The following THSD4 variants were observed in gnomAD, a reference collection of about 807,000 sequenced individuals.
The protein encoded by THSD4 is thrombospondin type 1 domain containing 4.
In THSD4, 69 loss-of-function variants were observed where a neutral mutation model predicts 119.0. That is an observed-to-expected ratio of 0.58 (90% CI 0.48 to 0.71). THSD4 has a LOEUF of 0.71. THSD4 is among the 30% of genes least tolerant of loss of function. The pLI is 0.00. For synonymous variants in THSD4, 524 were observed against 540.4 expected, an observed-to-expected ratio of 0.97 and a Z score of 0.42; for missense variants, 1,393 against 1,391.1, an observed-to-expected ratio of 1.00 and a Z score of -0.02.
chr15:71,309,406 CCAGATATATAATTTG>C (rs2045080581), intron 6 of THSD4, among the ~76,000 whole-genome samples: 1 of 152,138 alleles, frequency 6.6e-6, no homozygotes, highest in African/African-American at 2.4e-5. Context: ...TGAATACTTA[CCAGATATATAATTTG>C]CAGATATTGT....
At chr15:71,663,675 G>A (rs1202478703) in intron 8 of THSD4, among the ~76,000 whole-genome samples, 1 of 152,108 alleles carries the variant, frequency 6.6e-6, no homozygotes, top group Non-Finnish European at 1.5e-5. Flanking sequence ...TTGAGATCAT[G>A]TAGAAACCAC....
intron 6 of THSD4, among the ~76,000 whole-genome samples, chr15:71,409,145 CT>C (rs762462184): frequency 1.3e-4 from 16 of 122,040 alleles, no homozygotes; most frequent in African/African-American, 2.9e-4. Flanking sequence ...TCACGTTTAG[CT>C]TTTTTTTTTC....
chr15:71,520,583 T>C (rs1016104933), intron 7 of THSD4, among the ~76,000 whole-genome samples: 2 of 152,254 alleles, frequency 1.3e-5, no homozygotes, highest in African/African-American at 4.8e-5. Context: ...TGGGATGTTT[T>C]ACTGCAGTTC....
At chr15:71,739,662 T>C (rs1413678927) in intron 11 of THSD4, among the ~76,000 whole-genome samples, 1 of 152,134 alleles carries the variant, frequency 6.6e-6, no homozygotes, top group African/African-American at 2.4e-5. Flanking sequence ...AGCCTCCTGT[T>C]TGTAGTAAAG....
intron 6 of THSD4, among the ~76,000 whole-genome samples, chr15:71,328,685 T>C (rs901698106): frequency 9.9e-5 from 15 of 152,210 alleles, no homozygotes; most frequent in African/African-American, 2.7e-4. Context: ...CATGGGCTTA[T>C]TAAATGTGCT....
At chr15:71,409,138 C>T (rs7172592) in intron 6 of THSD4, among the ~76,000 whole-genome samples, 29,913 of 138,090 alleles carry the variant, frequency 0.22, 3,163 homozygotes, top group Admixed American at 0.29. Context: ...AATTGTCTCA[C>T]GTTTAGCTTT....
chr15:71,495,488 G>A (rs2048000538), intron 7 of THSD4, among the ~76,000 whole-genome samples: 1 of 152,174 alleles, frequency 6.6e-6, no homozygotes, highest in Non-Finnish European at 1.5e-5. Flanking sequence ...AACTGAAATA[G>A]GATACTAAAA....
chr15:71,341,975 T>C (rs1388684255), intron 6 of THSD4, among the ~76,000 whole-genome samples: 1 of 152,166 alleles, frequency 6.6e-6, no homozygotes, highest in African/African-American at 2.4e-5. Flanking sequence ...AAAAAATTAC[T>C]CCATATCCTA....
chr15:71,334,807 C>T (rs2045470939), intron 6 of THSD4, among the ~76,000 whole-genome samples: 1 of 152,154 alleles, frequency 6.6e-6, no homozygotes, highest in African/African-American at 2.4e-5. Flanking sequence ...GAACTGTCAG[C>T]AGAACTTCTT....
At chr15:71,160,133 A>G (rs1189256072) in intron 3 of THSD4, among the ~76,000 whole-genome samples, 1 of 152,068 alleles carries the variant, frequency 6.6e-6, no homozygotes, top group Non-Finnish European at 1.5e-5. Flanking sequence ...ATTGATTTAC[A>G]TATGTTGAAT....
intron 7 of THSD4, among the ~76,000 whole-genome samples, chr15:71,464,610 T>C (rs917679371): frequency 2.0e-5 from 3 of 152,152 alleles, no homozygotes; most frequent in African/African-American, 7.2e-5. Flanking sequence ...CTTTGGTACT[T>C]TTACCTGCAA....
chr15:71,596,620 C>G (rs1283041094), intron 7 of THSD4, among the ~76,000 whole-genome samples: 1 of 152,176 alleles, frequency 6.6e-6, no homozygotes, highest in Non-Finnish European at 1.5e-5. Context: ...TCTTTGAATT[C>G]TAAAGTTTCC....
At chr15:71,581,925 A>G (rs1356937177) in intron 7 of THSD4, among the ~76,000 whole-genome samples, 1 of 152,160 alleles carries the variant, frequency 6.6e-6, no homozygotes, top group Non-Finnish European at 1.5e-5. Context: ...GCATTATAAT[A>G]TTTTGAAACC....
At chr15:71,530,963 TA>T in intron 7 of THSD4, among the ~76,000 whole-genome samples, 1 of 147,260 alleles carries the variant, frequency 6.8e-6, no homozygotes, top group Non-Finnish European at 1.5e-5. Context: ...TTGACGGGGA[TA>T]GGGGCAGGGG....
rs150387569 is a variant in THSD4, at chr15:71,412,256, A to G, written c.1152+433A>G. Among the ~76,000 whole-genome samples, 515 of 152,316 alleles carry G rather than the reference A, an allele frequency of 3.4e-3. 2 individuals carry two copies. Among genetic ancestry groups the G allele is most frequent in the African/African-American group, 0.012 (497 of 41,562 alleles). ...CTCCCCAGAAGGGGCAGGCTTCCAA[A>G]GGAAAGTTGTTTCATGCCTTTTATA... is the stretch of plus-strand genomic sequence containing the variant. On this transcript the variant is annotated intron_variant, in intron 7 of 17. Coordinates refer to ENST00000261862, the MANE Select transcript of THSD4 (RefSeq NM_024817.3).
chr15:71,555,443 G>A (rs566244940), intron 7 of THSD4, among the ~76,000 whole-genome samples: 2 of 152,150 alleles, frequency 1.3e-5, no homozygotes, highest in African/African-American at 4.8e-5. Context: ...TATCATTCAC[G>A]TTTCCTCTTC....
rs149253022 is a variant in THSD4 at position 71,387,326 on chromosome 15, T to A, written c.1016-24361T>A. The stretch of plus-strand genomic sequence containing the variant: ...ATCTGCTCAGGATGCTGTGATTTGG[T>A]GATTCTCTCCAAACCAAATGGTACC... On this transcript the variant is annotated intron_variant, in intron 6 of 17. Transcript: ENST00000261862. Among the ~76,000 whole-genome samples, 348 of 152,304 alleles carry A rather than the reference T, an allele frequency of 2.3e-3. 3 individuals carry two copies. Among genetic ancestry groups the A allele is most frequent in the African/African-American group, 7.9e-3 (327 of 41,566 alleles).
At chr15:71,425,927 G>T (rs990612673) in intron 7 of THSD4, among the ~76,000 whole-genome samples, 1 of 151,994 alleles carries the variant, frequency 6.6e-6, no homozygotes, top group African/African-American at 2.4e-5. Context: ...ACCCTCCCAA[G>T]CCCCTGTCAG....
chr15:71,288,984 A>T (rs2044755539), intron 6 of THSD4, among the ~76,000 whole-genome samples: 1 of 152,158 alleles, frequency 6.6e-6, no homozygotes, highest in South Asian at 2.1e-4. Context: ...TATAAAATCA[A>T]CTCTATCTTT....
Sources: allele counts gnomAD v4.1 joint callset (sites outside exome capture counted in the v4.1 genomes callset), GRCh38; gene constraint gnomAD v4.1.1; transcripts MANE v1.5; gene names NCBI Gene and HGNC (gene_info 2026-07-23, HGNC 2026-07-21).